The following NRXN1 variants were observed in gnomAD, a reference collection of about 807,000 sequenced individuals.
NRXN1 encodes the protein neurexin 1.
In NRXN1, 39 loss-of-function variants were observed where a neutral mutation model predicts 150.9. The ratio of observed to expected loss-of-function variants is 0.26; its 90% CI spans 0.20 to 0.34. NRXN1 has a LOEUF of 0.34. NRXN1 is among the 10% of genes least tolerant of loss of function. The pLI is 1.00. For missense variants in NRXN1, 1,815 were observed against 1,949.9 expected, an observed-to-expected ratio of 0.93 and a Z score of 1.30; for synonymous variants, 924 against 757.0, an observed-to-expected ratio of 1.22 and a Z score of -3.62.
chr2:50,864,755 CA>C (rs1296138639), intron 5 of NRXN1, among the ~76,000 whole-genome samples: 7 of 151,966 alleles, frequency 4.6e-5, no homozygotes, highest in Non-Finnish European at 8.8e-5. Flanking sequence ...GAGAAATTTG[CA>C]GTATCTGTGA....
intron 17 of NRXN1, among the ~76,000 whole-genome samples, chr2:50,265,855 T>C (rs1003729033): frequency 1.3e-5 from 2 of 152,034 alleles, no homozygotes; most frequent in African/African-American, 2.4e-5. Flanking sequence ...GGCTTAAAGA[T>C]TGGCTATTCT....
intron 5 of NRXN1, among the ~76,000 whole-genome samples, chr2:50,641,269 A>T (rs1559062018): frequency 6.6e-6 from 1 of 152,092 alleles, no homozygotes. Context: ...TTTTCTTTAC[A>T]TGTATTTCAA....
At chr2:50,880,406 A>T (rs1182995970) in intron 5 of NRXN1, among the ~76,000 whole-genome samples, 1 of 151,998 alleles carries the variant, frequency 6.6e-6, no homozygotes, top group East Asian at 1.9e-4. Context: ...TATTTTGTAG[A>T]ATAGTCATAT....
intron 8 of NRXN1, among the ~76,000 whole-genome samples, chr2:50,573,234 G>A (rs975875348): frequency 2.0e-5 from 3 of 151,972 alleles, no homozygotes; most frequent in South Asian, 2.1e-4. Context: ...ATGGTGATGT[G>A]CATCTGCAGT....
intron 18 of NRXN1, among the ~76,000 whole-genome samples, chr2:50,125,822 G>A (rs1007647951): frequency 6.6e-6 from 1 of 152,090 alleles, no homozygotes; most frequent in Non-Finnish European, 1.5e-5. Flanking sequence ...GGTAATATGA[G>A]AGAACCTGCA....
At chr2:50,847,855 G>A (rs774083067) in intron 5 of NRXN1, among the ~76,000 whole-genome samples, 1 of 152,078 alleles carries the variant, frequency 6.6e-6, no homozygotes, top group Non-Finnish European at 1.5e-5. Flanking sequence ...GAAGAGTCCG[G>A]CTGCAAAGCG....
intron 18 of NRXN1, among the ~76,000 whole-genome samples, chr2:50,186,187 A>G (rs2061059345): frequency 6.6e-6 from 1 of 152,088 alleles, no homozygotes; most frequent in Non-Finnish European, 1.5e-5. Flanking sequence ...ACTCTCACAA[A>G]GAAAATTATT....
chr2:50,464,159 G>A (rs1298771723), intron 17 of NRXN1: 1 of 151,670 alleles, frequency 6.6e-6, no homozygotes, highest in East Asian at 1.9e-4. Flanking sequence ...CTTGCAGAGT[G>A]TTCGCAAATG....
At chr2:50,060,864 C>G (rs1013314408) in intron 19 of NRXN1, among the ~76,000 whole-genome samples, 9 of 152,278 alleles carry the variant, frequency 5.9e-5, no homozygotes, top group African/African-American at 2.2e-4. Context: ...CATTAAACCT[C>G]TTTTTCTTTA....
intron 17 of NRXN1, among the ~76,000 whole-genome samples, chr2:50,314,197 A>G (rs2075406135): frequency 6.6e-6 from 1 of 152,072 alleles, no homozygotes; most frequent in South Asian, 2.1e-4. Flanking sequence ...ATAAATACTG[A>G]GGAATGCTAA....
chr2:50,802,015 G>C (rs1335293830), intron 5 of NRXN1, among the ~76,000 whole-genome samples: 1 of 151,920 alleles, frequency 6.6e-6, no homozygotes. Flanking sequence ...TGTCCTCTTT[G>C]AGATTTTGAT....
At chr2:50,893,901 T>C (rs541971530) in intron 5 of NRXN1, among the ~76,000 whole-genome samples, 2 of 152,258 alleles carry the variant, frequency 1.3e-5, no homozygotes, top group African/African-American at 4.8e-5. Flanking sequence ...TGATTTCCAA[T>C]TTCATCCATG....
intron 8 of NRXN1, among the ~76,000 whole-genome samples, chr2:50,578,532 A>T (rs1473307545): frequency 6.6e-6 from 1 of 152,158 alleles, no homozygotes; most frequent in East Asian, 1.9e-4. Context: ...ACAATATCAC[A>T]ACCAGGGTAT....
chr2:50,633,293 A>G (rs1682664436), intron 5 of NRXN1, among the ~76,000 whole-genome samples: 1 of 152,094 alleles, frequency 6.6e-6, no homozygotes, highest in South Asian at 2.1e-4. Context: ...TATACTGCTA[A>G]CTCAAAGTAT....
At chr2:49,942,944 A>G (rs1672258772) in intron 22 of NRXN1, among the ~76,000 whole-genome samples, 1 of 152,166 alleles carries the variant, frequency 6.6e-6, no homozygotes, top group South Asian at 2.1e-4. Context: ...TGCTTTACCA[A>G]AAACCAAACC....
chr2:50,532,404 T>C (rs1297967928), intron 10 of NRXN1, among the ~76,000 whole-genome samples: 1 of 152,046 alleles, frequency 6.6e-6, no homozygotes, highest in East Asian at 1.9e-4. Flanking sequence ...GCCAATACTT[T>C]ACCAAAGGTG....
chr2:50,739,507 G>A (rs1000111437), intron 5 of NRXN1, among the ~76,000 whole-genome samples: 3 of 152,092 alleles, frequency 2.0e-5, no homozygotes, highest in African/African-American at 7.2e-5. Context: ...TTGTATGTGT[G>A]TATAACATGA....
intron 5 of NRXN1, among the ~76,000 whole-genome samples, chr2:50,731,570 G>A (rs1305737079): frequency 2.0e-5 from 3 of 152,070 alleles, no homozygotes; most frequent in African/African-American, 7.2e-5. Flanking sequence ...AATGGTGGCT[G>A]GTGGTTCTCA....
chr2:50,211,848 G>T (rs960567603), intron 18 of NRXN1, among the ~76,000 whole-genome samples: 8 of 62,958 alleles, frequency 1.3e-4, no homozygotes, highest in East Asian at 6.4e-4. Context: ...GAAGAAGACA[G>T]GGTAAAAAAA....
Sources: allele counts gnomAD v4.1 joint callset (sites outside exome capture counted in the v4.1 genomes callset), GRCh38; gene constraint gnomAD v4.1.1; transcripts MANE v1.5; gene names NCBI Gene and HGNC (gene_info 2026-07-23, HGNC 2026-07-21).